Variants in OLA1 observed in about 807,000 individuals in gnomAD.
OLA1 encodes the protein obg-like ATPase 1.
OLA1 carries 14 observed loss-of-function variants against 48.4 expected under a neutral mutation model. The ratio of observed to expected loss-of-function variants is 0.29; its 90% CI spans 0.19 to 0.45. The LOEUF is 0.45. OLA1 is among the 20% of genes least tolerant of loss of function. OLA1 has a pLI of 1.00. For synonymous variants in OLA1, 127 were observed against 150.4 expected (o/e 0.84, Z 1.14); for missense variants, 325 against 467.1 (o/e 0.70, Z 2.80).
chr2:174,190,008 C>T (rs77237375), intron 4 of OLA1, among the ~76,000 whole-genome samples: 21,445 of 151,908 alleles, frequency 0.14, 1,918 homozygotes, highest in Middle Eastern at 0.24. Flanking sequence ...AATAACTGTG[C>T]GCTGCTGTGG....
intron 7 of OLA1, among the ~76,000 whole-genome samples, chr2:174,083,708 T>C (rs1421658160): frequency 1.3e-5 from 2 of 152,204 alleles, no homozygotes; most frequent in Admixed American, 1.3e-4. Flanking sequence ...TTATCATCAA[T>C]GGTTTAGTAA....
chr2:174,238,625 A>C (rs1045859500), intron 2 of OLA1, among the ~76,000 whole-genome samples: 4 of 152,206 alleles, frequency 2.6e-5, no homozygotes, highest in African/African-American at 9.6e-5. Context: ...CTGTGCGCAC[A>C]TAAAATGGTG....
Position 174,072,871 on chromosome 2 carries a change from T to G in OLA1, c.*2555A>C, listed in dbSNP as rs1684634101. 6.6e-6 allele frequency: 1 copy of G among 152,228 alleles called. No homozygotes were observed. The highest frequency in any genetic ancestry group is 6.5e-5 in the Admixed American group (1 of 15,284). The allele number at this position is 152,228 out of a possible 1,614,324, so 9.4% of individuals were successfully genotyped here. A position where few individuals can be genotyped will look rare whatever the true frequency, so the allele number is the denominator to read the frequency against. ...AAACTATTTGTGCTTCCTTGGGAGA[T>G]CCGGCTCTGCTCTGAGCCATATGCA... On this transcript the variant is annotated 3_prime_UTR_variant, in exon 11 of 11. Coordinates refer to ENST00000284719, the MANE Select transcript of OLA1 (RefSeq NM_013341.5).
At chr2:174,203,417 C>A (rs1391143892) in intron 4 of OLA1, among the ~76,000 whole-genome samples, 1 of 151,846 alleles carries the variant, frequency 6.6e-6, no homozygotes, top group Non-Finnish European at 1.5e-5. Context: ...AAACCATCAC[C>A]CTAACAAATT....
At chr2:174,136,030 A>G (rs1450162316) in intron 5 of OLA1, among the ~76,000 whole-genome samples, 6 of 152,214 alleles carry the variant, frequency 3.9e-5, no homozygotes, top group African/African-American at 1.4e-4. Context: ...ATTTAAAAAT[A>G]TTTTTACTAA....
At chr2:174,220,308 G>A (rs1056555910) in intron 4 of OLA1, among the ~76,000 whole-genome samples, 8 of 151,968 alleles carry the variant, frequency 5.3e-5, no homozygotes, top group Non-Finnish European at 1.0e-4. Flanking sequence ...TCTACCATAG[G>A]GCCTTGAAAC....
chr2:174,107,846 T>C (rs757355502), intron 7 of OLA1, among the ~76,000 whole-genome samples: 5 of 152,252 alleles, frequency 3.3e-5, no homozygotes, highest in Admixed American at 1.3e-4. Flanking sequence ...TACAAAAATA[T>C]AAAAATAATT....
intron 4 of OLA1, among the ~76,000 whole-genome samples, chr2:174,165,327 A>G (rs1464524101): frequency 6.6e-6 from 1 of 152,200 alleles, no homozygotes; most frequent in African/African-American, 2.4e-5. Context: ...GTTTAAGGAA[A>G]ATACATCCAA....
At chr2:174,127,448 G>A (rs549762034) in intron 5 of OLA1, among the ~76,000 whole-genome samples, 2 of 152,194 alleles carry the variant, frequency 1.3e-5, no homozygotes, top group East Asian at 3.9e-4. Flanking sequence ...ATTTTTCTTT[G>A]CAGACAATTA....
intron 7 of OLA1, among the ~76,000 whole-genome samples, chr2:174,086,412 AT>A (rs1684979008): frequency 1.3e-5 from 2 of 152,176 alleles, no homozygotes; most frequent in Non-Finnish European, 2.9e-5. Context: ...CATTTTTCCG[AT>A]GGGGATATGT....
At chr2:174,200,808 T>A (rs1574546839) in intron 4 of OLA1, among the ~76,000 whole-genome samples, 1 of 152,282 alleles carries the variant, frequency 6.6e-6, no homozygotes, top group South Asian at 2.1e-4. Flanking sequence ...GGAGGAGGCT[T>A]AAGACAGTAA....
intron 2 of OLA1, among the ~76,000 whole-genome samples, chr2:174,237,905 G>A (rs187756616): frequency 3.8e-4 from 58 of 152,250 alleles, no homozygotes; most frequent in Non-Finnish European, 5.0e-4. Context: ...CACCACAAAC[G>A]TGAGTAATGC....
At chr2:174,220,154 A>C (rs149893467) in intron 4 of OLA1, among the ~76,000 whole-genome samples, 61 of 152,258 alleles carry the variant, frequency 4.0e-4, no homozygotes, top group African/African-American at 1.4e-3. Context: ...AAAATCCTTT[A>C]GATTTAAGCC....
chr2:174,206,194 T>A (rs1452104647), intron 4 of OLA1, among the ~76,000 whole-genome samples: 1 of 152,208 alleles, frequency 6.6e-6, no homozygotes, highest in Non-Finnish European at 1.5e-5. Context: ...ATACTTACAT[T>A]TTTAACTTAT....
At chr2:174,091,869 C>CAAAAAAAAAAAAAAAAAAAA (rs1174747360) in intron 7 of OLA1, among the ~76,000 whole-genome samples, 1 of 22,982 alleles carries the variant, frequency 4.4e-5, no homozygotes, top group Non-Finnish European at 9.6e-5. Context: ...GACTCTGCCT[C>CAAAAAAAAAAAAAAAAAAAA]AAAAAAAAAA....
chr2:174,167,344 G>A (rs180720201), intron 4 of OLA1, among the ~76,000 whole-genome samples: 2 of 152,344 alleles, frequency 1.3e-5, no homozygotes, highest in East Asian at 1.9e-4. Context: ...GGGAGGCCAA[G>A]GTGGGTGGAT....
chr2:174,083,633 A>G (rs1684906345), intron 7 of OLA1, among the ~76,000 whole-genome samples: 1 of 152,166 alleles, frequency 6.6e-6, no homozygotes. Flanking sequence ...GTCTCCGTTA[A>G]CATTATGGTA....
intron 4 of OLA1, among the ~76,000 whole-genome samples, chr2:174,155,974 T>C (rs1321564198): frequency 1.3e-5 from 2 of 152,196 alleles, no homozygotes; most frequent in African/African-American, 2.4e-5. Context: ...TGATTAGTTG[T>C]TGGATGAATT....
intron 7 of OLA1, among the ~76,000 whole-genome samples, chr2:174,120,290 A>G (rs1685884076): frequency 6.6e-6 from 1 of 152,096 alleles, no homozygotes; most frequent in Non-Finnish European, 1.5e-5. Context: ...TCAGTAAGCA[A>G]TCTCAAATGA....
Sources: gnomAD v4.1 joint callset for allele counts (sites outside exome capture counted in the v4.1 genomes callset) on GRCh38, gnomAD v4.1.1 for gene constraint, MANE v1.5 for transcripts, NCBI Gene and HGNC (gene_info 2026-07-23, HGNC 2026-07-21) for gene names.